The following ZEB1 variants were observed in gnomAD, a reference collection of about 807,000 sequenced individuals.
The protein encoded by ZEB1 is zinc finger E-box binding homeobox 1.
In ZEB1, 21 loss-of-function variants were observed where a neutral mutation model predicts 84.9. That is an observed-to-expected ratio of 0.25 (90% CI 0.18 to 0.36). The LOEUF (loss-of-function observed/expected upper bound fraction) is 0.36. ZEB1 is among the 10% of genes least tolerant of loss of function. The pLI, the probability that ZEB1 is intolerant of heterozygous loss-of-function variation, is 1.00. For synonymous variants in ZEB1, 420 were observed against 471.1 expected, an observed-to-expected ratio of 0.89 and a Z score of 1.41; for missense variants, 1,104 against 1,330.2, an observed-to-expected ratio of 0.83 and a Z score of 2.65.
intron 1 of ZEB1, among the ~76,000 whole-genome samples, chr10:31,352,948 A>G (rs912581865): frequency 6.6e-6 from 1 of 152,234 alleles, no homozygotes; most frequent in African/African-American, 2.4e-5. Flanking sequence ...TGTTGCAGCC[A>G]TCTATGGAAA....
intron 1 of ZEB1, among the ~76,000 whole-genome samples, chr10:31,389,195 C>G (rs1362939773): frequency 6.6e-6 from 1 of 151,954 alleles, no homozygotes; most frequent in Non-Finnish European, 1.5e-5. Flanking sequence ...TTATTAATAA[C>G]TTATCCATCT....
intron 2 of ZEB1, among the ~76,000 whole-genome samples, chr10:31,473,153 C>A (rs1358400808): frequency 2.0e-5 from 3 of 150,256 alleles, no homozygotes; most frequent in Non-Finnish European, 4.4e-5. Flanking sequence ...TGGCACAAGA[C>A]AGGGATGCCC....
chr10:31,395,079 A>G (rs999573306), intron 1 of ZEB1, among the ~76,000 whole-genome samples: 1 of 152,206 alleles, frequency 6.6e-6, no homozygotes, highest in African/African-American at 2.4e-5. Context: ...TAACGAATTC[A>G]ATTTCTGATA....
rs1361566732 is a variant in ZEB1, at chr10:31,442,489, A to T, written c.59-18548A>T. Among the ~76,000 whole-genome samples the T allele has an allele frequency of 2.6e-5, 4 of 152,284 alleles. 1 individual carries two copies. Among genetic ancestry groups the T allele is most frequent in the Admixed American group, 2.0e-4 (3 of 15,302 alleles). ...AAGTTAATGGGTGCAGCATACCAACATGGCACATGTATACATATGTAACAA... is the reference window on the plus strand; with the variant it reads ...AAGTTAATGGGTGCAGCATACCAACTTGGCACATGTATACATATGTAACAA... On this transcript the variant is annotated intron_variant, in intron 1 of 8. Coordinates refer to ENST00000424869, the MANE Select transcript of ZEB1 (RefSeq NM_001174096.2).
intron 1 of ZEB1, among the ~76,000 whole-genome samples, chr10:31,438,851 T>C (rs551369893): frequency 6.6e-6 from 1 of 152,074 alleles, no homozygotes; most frequent in African/African-American, 2.4e-5. Flanking sequence ...GTCTAAAATA[T>C]ACATACATCT....
At chr10:31,453,514 G>A (rs1351918444) in intron 1 of ZEB1, among the ~76,000 whole-genome samples, 4 of 152,108 alleles carry the variant, frequency 2.6e-5, no homozygotes, top group Non-Finnish European at 5.9e-5. Flanking sequence ...TTTTATGATT[G>A]TACATTACTT....
intron 1 of ZEB1, among the ~76,000 whole-genome samples, chr10:31,371,723 A>T (rs1421004015): frequency 6.6e-6 from 1 of 152,188 alleles, no homozygotes; most frequent in African/African-American, 2.4e-5. Flanking sequence ...GAACTTTGTT[A>T]GTCTCTGAAT....
chr10:31,380,049 C>T (rs1311220560), intron 1 of ZEB1, among the ~76,000 whole-genome samples: 1 of 152,090 alleles, frequency 6.6e-6, no homozygotes, highest in African/African-American at 2.4e-5. Flanking sequence ...GTCCTTTTTA[C>T]GTTTAGATTG....
At chr10:31,333,523 C>T (rs2037272089) in intron 1 of ZEB1, among the ~76,000 whole-genome samples, 1 of 151,504 alleles carries the variant, frequency 6.6e-6, no homozygotes, top group South Asian at 2.1e-4. Context: ...AGTTTTAACG[C>T]ATGTTAAAAT....
intron 1 of ZEB1, among the ~76,000 whole-genome samples, chr10:31,399,159 T>A (rs113031388): frequency 0.015 from 2,281 of 152,186 alleles, 55 homozygotes; most frequent in African/African-American, 0.052. Context: ...CACACCTGGC[T>A]AATTTTTGTA....
chr10:31,330,106 C>T (rs563313235), intron 1 of ZEB1, among the ~76,000 whole-genome samples: 1 of 152,162 alleles, frequency 6.6e-6, no homozygotes, highest in South Asian at 2.1e-4. Flanking sequence ...GAAATCTTTG[C>T]CTATTCCAGA....
At chr10:31,485,370 C>G (rs539017452) in intron 2 of ZEB1, among the ~76,000 whole-genome samples, 39 of 151,918 alleles carry the variant, frequency 2.6e-4, no homozygotes, top group African/African-American at 9.2e-4. Flanking sequence ...GTATCACTCC[C>G]CAAAGTCTAC....
At chr10:31,503,649 A>G (rs2068479476) in intron 4 of ZEB1, among the ~76,000 whole-genome samples, 1 of 151,836 alleles carries the variant, frequency 6.6e-6, no homozygotes, top group South Asian at 2.1e-4. Context: ...TCTCCGTAGT[A>G]TTTTCACAGT....
intron 1 of ZEB1, among the ~76,000 whole-genome samples, chr10:31,340,574 CAT>C (rs59902163): frequency 0.063 from 9,610 of 152,198 alleles, 755 homozygotes; most frequent in African/African-American, 0.18. Flanking sequence ...ATGTTACAAA[CAT>C]GTGATGTTTG....
intron 1 of ZEB1, among the ~76,000 whole-genome samples, chr10:31,395,753 G>A (rs1331802015): frequency 6.6e-6 from 1 of 152,114 alleles, no homozygotes; most frequent in African/African-American, 2.4e-5. Flanking sequence ...ATGCTGCCTG[G>A]GACTAGTTAT....
At chr10:31,416,785 A>C (rs2055289861) in intron 1 of ZEB1, among the ~76,000 whole-genome samples, 1 of 152,144 alleles carries the variant, frequency 6.6e-6, no homozygotes, top group African/African-American at 2.4e-5. Flanking sequence ...ATATTTACCA[A>C]ATTAAACGCT....
At chr10:31,330,806 A>G (rs1266944548) in intron 1 of ZEB1, among the ~76,000 whole-genome samples, 2 of 142,794 alleles carry the variant, frequency 1.4e-5, no homozygotes, top group African/African-American at 5.4e-5. Flanking sequence ...ACTTATTCCT[A>G]TGTAATTCTT....
chr10:31,377,218 T>C (rs542791188), intron 1 of ZEB1, among the ~76,000 whole-genome samples: 2 of 151,700 alleles, frequency 1.3e-5, no homozygotes, highest in South Asian at 4.1e-4. Flanking sequence ...AGTCAACAGT[T>C]GTCTATTGAA....
chr10:31,378,942 A>G (rs2134733062), intron 1 of ZEB1, among the ~76,000 whole-genome samples: 1 of 152,090 alleles, frequency 6.6e-6, no homozygotes, highest in East Asian at 1.9e-4. Flanking sequence ...AAATGCATTT[A>G]CATTTTTAAG....
Sources: gnomAD v4.1 joint callset for allele counts (sites outside exome capture counted in the v4.1 genomes callset) on GRCh38, gnomAD v4.1.1 for gene constraint, MANE v1.5 for transcripts, NCBI Gene and HGNC (gene_info 2026-07-23, HGNC 2026-07-21) for gene names.